The following SLC2A9 variants were observed in gnomAD, a reference collection of about 807,000 sequenced individuals.
The protein encoded by SLC2A9 is solute carrier family 2 member 9.
A neutral mutation model predicts 50.6 loss-of-function variants in SLC2A9; 39 were observed. That is an observed-to-expected ratio of 0.77 (90% CI 0.60 to 1.01). The LOEUF is 1.01. Ranked by LOEUF, SLC2A9 falls within the 50% of genes least tolerant of loss-of-function variation. SLC2A9 has a pLI of 0.00. For missense variants in SLC2A9, 686 were observed against 677.6 expected, an observed-to-expected ratio of 1.01 and a Z score of -0.14; for synonymous variants, 324 against 276.9, an observed-to-expected ratio of 1.17 and a Z score of -1.69.
chr4:9,938,631 C>T (rs1407863986), intron 6 of SLC2A9, among the ~76,000 whole-genome samples: 1 of 152,176 alleles, frequency 6.6e-6, no homozygotes, highest in African/African-American at 2.4e-5. Context: ...AAGAGTCACA[C>T]ACACGCTCAA....
At chr4:9,921,242 A>ATGAT (rs1484118701) in intron 6 of SLC2A9, among the ~76,000 whole-genome samples, 1 of 152,228 alleles carries the variant, frequency 6.6e-6, no homozygotes, top group East Asian at 1.9e-4. Flanking sequence ...ACCCACCCTC[A>ATGAT]TGATTTATGC....
At chr4:9,934,693 T>C (rs1746738926) in intron 6 of SLC2A9, among the ~76,000 whole-genome samples, 1 of 152,258 alleles carries the variant, frequency 6.6e-6, no homozygotes, top group Non-Finnish European at 1.5e-5. Context: ...GTGCAGAATG[T>C]ACAGGTTTGT....
At chr4:9,917,322 T>A (rs1433564575) in intron 7 of SLC2A9, among the ~76,000 whole-genome samples, 1 of 144,356 alleles carries the variant, frequency 6.9e-6, no homozygotes, top group Non-Finnish European at 1.5e-5. Context: ...AATTTCTTTT[T>A]TCCTTTTTTT....
chr4:9,911,049 G>A (rs1411160645), intron 7 of SLC2A9, among the ~76,000 whole-genome samples: 1 of 152,104 alleles, frequency 6.6e-6, no homozygotes, highest in Non-Finnish European at 1.5e-5. Context: ...ATCCAATGCA[G>A]ATGACAGGTT....
intron 6 of SLC2A9, among the ~76,000 whole-genome samples, chr4:9,925,170 G>A (rs80149224): frequency 2.6e-5 from 4 of 152,264 alleles, no homozygotes; most frequent in East Asian, 1.9e-4. Flanking sequence ...TGCCCTGCTC[G>A]TGCTGTTCCT....
chr4:9,902,863 C>A (rs1739902956), intron 8 of SLC2A9, among the ~76,000 whole-genome samples: 1 of 152,188 alleles, frequency 6.6e-6, no homozygotes, highest in South Asian at 2.1e-4. Context: ...GGGACTTCAA[C>A]ACATGCATTT....
intron 10 of SLC2A9, chr4:9,879,480 G>C: frequency 2.0e-6 from 2 of 985,260 alleles, no homozygotes; most frequent in Non-Finnish European, 2.4e-6. Flanking sequence ...TAGAGAGGGA[G>C]GGCAGGCAGG....
chr4:9,776,802 T>C (rs1171496365), downstream of SLC2A9, among the ~76,000 whole-genome samples: 1 of 152,188 alleles, frequency 6.6e-6, no homozygotes, highest in Non-Finnish European at 1.5e-5. Context: ...ATTGTCCAGT[T>C]CAGAGGACAT....
chr4:9,945,885 A>G, intron 5 of SLC2A9, among the ~76,000 whole-genome samples: 1 of 152,220 alleles, frequency 6.6e-6, no homozygotes, highest in East Asian at 1.9e-4. Context: ...TCAGCGTGGG[A>G]AAGGGCTTTC....
At position 10,019,024 on chromosome 4, in the gene SLC2A9, G is replaced by T. The variant is rs1467561081; in HGVS notation, c.200C>A (p.Ser67Tyr). 1.3e-6 allele frequency: 2 copies of T among 1,550,904 alleles called. No individual in the cohort carries two copies. Among genetic ancestry groups the T allele is most frequent in the Non-Finnish European group, 8.7e-7 (1 of 1,146,962 alleles). ...LVASLAGAFG[S>Y]SFLYGYNLSV... ...CAGGTTGTAGCCGTAGAGGAAGGAG[G>T]AGCCGAAGGCGCCCGCGAGGGAGGC... The change falls in exon 2 of 12, where the codon TCC becomes TAC. Residue 67 changes from serine to tyrosine, a missense_variant. Coordinates refer to ENST00000264784, the MANE Select transcript of SLC2A9 (RefSeq NM_020041.3).
intron 10 of SLC2A9, among the ~76,000 whole-genome samples, chr4:9,868,519 CA>C (rs1732874847): frequency 6.6e-6 from 1 of 152,342 alleles, no homozygotes; most frequent in African/African-American, 2.4e-5. Context: ...CCATTTATTT[CA>C]ATTGGGTACC....
At chr4:9,982,313 T>C (rs888770612) in intron 4 of SLC2A9, among the ~76,000 whole-genome samples, 3 of 152,236 alleles carry the variant, frequency 2.0e-5, no homozygotes, top group African/African-American at 7.2e-5. Context: ...TTGGTGAGAA[T>C]ACATGACATG....
intron 3 of SLC2A9, among the ~76,000 whole-genome samples, chr4:9,991,403 C>T (rs541098593): frequency 5.9e-5 from 9 of 152,150 alleles, no homozygotes; most frequent in Non-Finnish European, 7.4e-5. Context: ...AACCCTTGAA[C>T]GCATGTAACC....
At chr4:9,802,049 G>T (rs1040221974) in intron 3 of SLC2A9, among the ~76,000 whole-genome samples, 2 of 152,184 alleles carry the variant, frequency 1.3e-5, no homozygotes, top group Non-Finnish European at 2.9e-5. Flanking sequence ...CTCCCTGGAG[G>T]AGGCCACCTG....
chr4:9,806,523 C>T (rs1282035712), intron 3 of SLC2A9, among the ~76,000 whole-genome samples: 1 of 152,200 alleles, frequency 6.6e-6, no homozygotes, highest in Non-Finnish European at 1.5e-5. Context: ...CCCTGATTTC[C>T]CACTCCACAT....
downstream of SLC2A9, among the ~76,000 whole-genome samples, chr4:9,776,493 C>T (rs757254760): frequency 6.6e-6 from 1 of 152,014 alleles, no homozygotes; most frequent in African/African-American, 2.4e-5. Context: ...CCCCAGACCT[C>T]CCTATAACCA....
intron 5 of SLC2A9, among the ~76,000 whole-genome samples, chr4:9,976,139 T>C (rs1261589621): frequency 1.3e-5 from 2 of 152,180 alleles, no homozygotes; most frequent in African/African-American, 2.4e-5. Flanking sequence ...GTTGAAAAAC[T>C]ATTGGGTAGT....
intron 8 of SLC2A9, among the ~76,000 whole-genome samples, chr4:9,906,984 G>GA (rs1740806640): frequency 6.6e-6 from 1 of 152,198 alleles, no homozygotes; most frequent in Non-Finnish European, 1.5e-5. Context: ...CATCTTGTTA[G>GA]AATGACCCAT....
chr4:9,996,954 A>C lies in SLC2A9; in HGVS notation c.250-13T>G. On this transcript the variant is annotated splice_polypyrimidine_tract_variant and intron_variant, in intron 2 of 11. Coordinates refer to ENST00000264784, the MANE Select transcript of SLC2A9 (RefSeq NM_020041.3). Reference sequence around the variant, plus strand: ...AGGCCTTGATGTACTGAAAATAAACAACAAACCATGTTATTTCCTTCTGTT... The same window carrying C: ...AGGCCTTGATGTACTGAAAATAAACCACAAACCATGTTATTTCCTTCTGTT... The C allele has an allele frequency of 6.2e-7, 1 of 1,613,632 alleles. No individual in the cohort carries two copies. The highest frequency in any genetic ancestry group is 8.5e-7 in the Non-Finnish European group (1 of 1,179,684).
Sources: allele counts gnomAD v4.1 joint callset (sites outside exome capture counted in the v4.1 genomes callset), GRCh38; gene constraint gnomAD v4.1.1; transcripts MANE v1.5; gene names NCBI Gene and HGNC (gene_info 2026-07-23, HGNC 2026-07-21).